RABL6: variants seen among roughly 807,000 people sequenced by gnomAD.
The protein encoded by RABL6 is rab-like protein 6.
Under a neutral mutation model 72.9 loss-of-function variants are expected in RABL6, and 28 were observed. The ratio of observed to expected loss-of-function variants is 0.38; its 90% CI spans 0.28 to 0.53. The LOEUF (loss-of-function observed/expected upper bound fraction) is 0.53, where lower values mean the gene tolerates loss of function less well. Among genes scored for constraint, RABL6 ranks in the 20% least tolerant of loss-of-function variants. The pLI is 0.80. For missense variants in RABL6, 1,029 were observed against 1,008.4 expected, an observed-to-expected ratio of 1.02 and a Z score of -0.28; for synonymous variants, 477 against 421.2, an observed-to-expected ratio of 1.13 and a Z score of -1.62.
In RABL6 at chr9:136,839,730, A is replaced by ACTGACGAGGATGAGGGCC. The variant is rs1229748926; in HGVS notation, c.1799_1816dup (p.Asp600_Pro605dup). ...CGTGCGAGATGACCCCTCCGATGTG[A>ACTGACGAGGATGAGGGCC]CTGACGAGGATGAGGGCCCTGCCGA... On this transcript the variant is annotated inframe_insertion, in exon 13 of 15. Coordinates refer to ENST00000311502, the MANE Select transcript of RABL6 (RefSeq NM_024718.5). The ACTGACGAGGATGAGGGCC allele has an allele frequency of 2.1e-5, 34 of 1,607,298 alleles. No homozygotes were observed. Among genetic ancestry groups the ACTGACGAGGATGAGGGCC allele is most frequent in the Non-Finnish European group, 2.9e-5 (34 of 1,176,366 alleles).
Position 136,839,205 on chromosome 9 carries a change from T to C in RABL6, c.1494-17T>C. Reference sequence around the variant, plus strand: ...GCCTCCAGAGGACCCTGACTGACCCTCTGCTTGTCCACAAAGGTCCTCCAT... The same window carrying C: ...GCCTCCAGAGGACCCTGACTGACCCCCTGCTTGTCCACAAAGGTCCTCCAT... On this transcript the variant is annotated splice_polypyrimidine_tract_variant and intron_variant, in intron 11 of 14. Transcript: ENST00000311502. 6.3e-7 allele frequency: 1 copy of C among 1,595,038 alleles called. No individual in the cohort carries two copies. Among genetic ancestry groups the C allele is most frequent in the Non-Finnish European group, 8.5e-7 (1 of 1,170,026 alleles).
chr9:136,823,275 A>G (rs907437958), intron 1 of RABL6, among the ~76,000 whole-genome samples: 2 of 148,630 alleles, frequency 1.3e-5, no homozygotes, highest in Non-Finnish European at 1.5e-5. Flanking sequence ...GGCTCCAAGT[A>G]GAAAGCTGCC....
In RABL6 at chr9:136,837,840, G is replaced by A. The variant is rs568246940; in HGVS notation, c.1127-22G>A. The A allele has an allele frequency of 7.8e-5, 120 of 1,546,890 alleles. 1 individual carries two copies. In the South Asian group the frequency reaches 1.3e-3, roughly 17 times the overall value. ...GAGGGTTCTGGTGCCGAGTGAAGAG[G>A]ACCCGGCATCACTGTTCACAGAGCC... On this transcript the variant is annotated intron_variant, in intron 9 of 14. Coordinates refer to ENST00000311502, the MANE Select transcript of RABL6 (RefSeq NM_024718.5).
intron 5 of RABL6, 45 bp from the exon 6 acceptor site, chr9:136,831,676 C>T (rs377055600): frequency 2.2e-5 from 36 of 1,607,146 alleles, no homozygotes; most frequent in African/African-American, 1.6e-4. Context: ...AGGGACAGGG[C>T]GTCGCAGGGC....
intron 1 of RABL6, chr9:136,812,830 TC>T: frequency 5.8e-6 from 2 of 344,336 alleles, no homozygotes; most frequent in Admixed American, 3.1e-5. Context: ...CACCTCTGCC[TC>T]CCCAGAAGCT....
chr9:136,808,029 G>C lies in RABL6; in HGVS notation c.-168G>C, dbSNP rs965217110. The C allele has an allele frequency of 1.6e-5, 17 of 1,047,626 alleles. No homozygotes were observed. In the African/African-American group the frequency reaches 2.4e-4, roughly 15 times the overall value. 64.9% of individuals were successfully genotyped at this position (1,047,626 alleles called of 1,614,324 possible). On this transcript the variant is annotated 5_prime_UTR_variant, in exon 1 of 15. Coordinates refer to ENST00000311502, the MANE Select transcript of RABL6 (RefSeq NM_024718.5). ...CGGAGCAGCCGCGGCTGAGGTTCCC[G>C]AGTCGCCGCTCGGGGCTGCGCTCCG... is the stretch of plus-strand genomic sequence containing the variant.
At chr9:136,821,955 C>G (rs1588354965) in intron 1 of RABL6, 2 of 1,289,036 alleles carry the variant, frequency 1.6e-6, no homozygotes, top group Admixed American at 2.3e-5. Flanking sequence ...CTGGCCGGCG[C>G]CGAGATATGA....
rs1848683240 is a variant in RABL6, at chr9:136,840,838, G to T, written c.*316G>T. 1.9e-6 allele frequency: 3 copies of T among 1,545,900 alleles called. No individual in the cohort carries two copies. Among genetic ancestry groups the T allele is most frequent in the Middle Eastern group, 2.1e-4 (1 of 4,690 alleles). ...ACTGAGGCCCAGGAGGGACCTGTGA[G>T]GGTCTGTTTACAGAGGCTGGGCAGG... On this transcript the variant is annotated 3_prime_UTR_variant, in exon 15 of 15. Coordinates refer to ENST00000311502, the MANE Select transcript of RABL6 (RefSeq NM_024718.5).
At chr9:136,816,761 A>G (rs1388382386) in intron 1 of RABL6, among the ~76,000 whole-genome samples, 1 of 151,364 alleles carries the variant, frequency 6.6e-6, no homozygotes, top group Non-Finnish European at 1.5e-5. Flanking sequence ...ATTAAATCAG[A>G]TTATTTTACT....
chr9:136,824,737 T>C (rs1038501558), intron 2 of RABL6, among the ~76,000 whole-genome samples: 1 of 152,054 alleles, frequency 6.6e-6, no homozygotes, highest in African/African-American at 2.4e-5. Flanking sequence ...CAGCTGACAC[T>C]TGGACTGCTG....
chr9:136,825,713 G>T, intron 2 of RABL6, 66 bp from the exon 3 acceptor site: 1 of 1,545,582 alleles, frequency 6.5e-7, no homozygotes, highest in South Asian at 1.1e-5. Flanking sequence ...CACACCAGCT[G>T]GACCGCTTTG....
chr9:136,817,029 A>T lies in RABL6; in HGVS notation c.131-6496A>T, dbSNP rs553039874. Among the ~76,000 whole-genome samples, 7 of 152,352 alleles carry T rather than the reference A, an allele frequency of 4.6e-5. No individual in the cohort carries two copies. The East Asian group carries it at 1.2e-3, about 25-fold the overall frequency. On this transcript the variant is annotated intron_variant, in intron 1 of 14. Transcript: ENST00000311502. Reference sequence around the variant, plus strand: ...TATGCCCATGATATGTGCAATTATTATGTCAATTATAAATACAAAAAACCA... The same window carrying T: ...TATGCCCATGATATGTGCAATTATTTTGTCAATTATAAATACAAAAAACCA...
At chr9:136,817,108 A>G (rs1413343838) in intron 1 of RABL6, among the ~76,000 whole-genome samples, 1 of 152,228 alleles carries the variant, frequency 6.6e-6, no homozygotes, top group African/African-American at 2.4e-5. Context: ...TCTAGAAATG[A>G]AAAACATAGT....
At chr9:136,839,143 G>T (rs775664973) in intron 11 of RABL6, 22 bp downstream of exon 11, 1 of 1,609,344 alleles carries the variant, frequency 6.2e-7, no homozygotes, top group Non-Finnish European at 8.5e-7. Flanking sequence ...TGTCCCCACG[G>T]GTGCGGCCTG....
At chr9:136,821,540 C>T in intron 1 of RABL6, 6 of 985,420 alleles carry the variant, frequency 6.1e-6, no homozygotes, top group Non-Finnish European at 7.2e-6. Flanking sequence ...TCTCTGCGAG[C>T]CCGGGCTGCT....
At position 136,840,822 on chromosome 9, in the gene RABL6, C is replaced by T. The variant is rs1162311442; in HGVS notation, c.*300C>T. The T allele has an allele frequency of 1.0e-5, 16 of 1,546,522 alleles. No homozygotes were observed. The highest frequency in any genetic ancestry group is 2.7e-5 in the African/African-American group (2 of 72,988). On this transcript the variant is annotated 3_prime_UTR_variant, in exon 15 of 15. Coordinates refer to ENST00000311502, the MANE Select transcript of RABL6 (RefSeq NM_024718.5). ...GTTTCTCAGGGATGTGACTGAGGCCCAGGAGGGACCTGTGAGGGTCTGTTT... is the reference window on the plus strand; with the variant it reads ...GTTTCTCAGGGATGTGACTGAGGCCTAGGAGGGACCTGTGAGGGTCTGTTT...
Position 136,839,771 on chromosome 9 carries a change from C to T in RABL6, c.1836C>T (p.Pro612=), listed in dbSNP as rs567709597. The T allele has an allele frequency of 6.2e-7, 1 of 1,612,640 alleles. No homozygotes were observed. Among genetic ancestry groups the T allele is most frequent in the Non-Finnish European group, 8.5e-7 (1 of 1,179,764 alleles). The change falls in exon 13 of 15, where the codon CCC becomes CCT. Residue 612 remains proline (P), a synonymous_variant. Transcript: ENST00000311502. ...GCCCTGCCGAGCCGCCCCCACCCCC[C>T]AAGCTCCCTCTCCCCGCCTTCAGAC... ...DEGPAEPPPP[P]KLPLPAFRLK...
rs1490938745 is a variant in RABL6, at chr9:136,837,857, C to T, written c.1127-5C>T. 2.6e-6 allele frequency: 4 copies of T among 1,548,666 alleles called. No homozygotes were observed. The highest frequency in any genetic ancestry group is 3.5e-6 in the Non-Finnish European group (4 of 1,146,714). ...GTGAAGAGGACCCGGCATCACTGTT[C>T]ACAGAGCCAGTCCCGGCCGCAGAGG... On this transcript the variant is annotated splice_polypyrimidine_tract_variant and splice_region_variant and intron_variant, in intron 9 of 14. Transcript: ENST00000311502.
At chr9:136,839,666 G>C (rs760013465) in intron 12 of RABL6, 28 bp from the exon 13 acceptor site, 2 of 1,564,200 alleles carry the variant, frequency 1.3e-6, no homozygotes, top group Non-Finnish European at 1.7e-6. Flanking sequence ...AGGGATGATG[G>C]CCTGACCAGT....
Sources: gnomAD v4.1 joint callset for allele counts (sites outside exome capture counted in the v4.1 genomes callset) on GRCh38, gnomAD v4.1.1 for gene constraint, MANE v1.5 for transcripts, NCBI Gene and HGNC (gene_info 2026-07-23, HGNC 2026-07-21) for gene names.